The following CCDC85C variants were observed in gnomAD, a reference collection of about 807,000 sequenced individuals.
CCDC85C encodes coiled-coil domain-containing protein 85C.
In CCDC85C, 18 loss-of-function variants were observed where a neutral mutation model predicts 38.3. The observed-to-expected ratio is 0.47, with a 90% confidence interval of 0.33 to 0.70. CCDC85C has a LOEUF of 0.70. CCDC85C is among the 30% of genes least tolerant of loss of function. The pLI is 0.03. For synonymous variants in CCDC85C, 264 were observed against 293.8 expected, an observed-to-expected ratio of 0.90 and a Z score of 1.04; for missense variants, 566 against 621.2, an observed-to-expected ratio of 0.91 and a Z score of 0.94.
At chr14:99,532,944 G>A (rs1173931304) in intron 2 of CCDC85C, among the ~76,000 whole-genome samples, 1 of 152,014 alleles carries the variant, frequency 6.6e-6, no homozygotes, top group Non-Finnish European at 1.5e-5. Context: ...ACCCTGCAAG[G>A]CTAATTTTTG....
intron 1 of CCDC85C, among the ~76,000 whole-genome samples, chr14:99,591,455 G>A (rs896049746): frequency 5.3e-5 from 8 of 152,232 alleles, no homozygotes; most frequent in Non-Finnish European, 1.0e-4. Flanking sequence ...CGGCTCCCAC[G>A]GATGCTGAGT....
At chr14:99,539,569 T>C (rs959170859) in intron 1 of CCDC85C, among the ~76,000 whole-genome samples, 6 of 152,120 alleles carry the variant, frequency 3.9e-5, no homozygotes, top group Non-Finnish European at 7.4e-5. Context: ...CTGAGGGTTC[T>C]ACCCTGTCAT....
rs553777808 is a variant in CCDC85C at position 99,530,741 on chromosome 14, G to T, written c.867+5274C>A. Among the ~76,000 whole-genome samples, 226 of 152,338 alleles carry T rather than the reference G, an allele frequency of 1.5e-3. 2 individuals carry two copies. The highest frequency in any genetic ancestry group is 5.3e-3 in the African/African-American group (221 of 41,588). On this transcript the variant is annotated intron_variant, in intron 2 of 5. Transcript: ENST00000380243. Reference sequence around the variant, plus strand: ...CTTCCCAGGGGCCACATCACACTGCGCTGGGCATCACCTCCCAGGTGAGGA... The same window carrying T: ...CTTCCCAGGGGCCACATCACACTGCTCTGGGCATCACCTCCCAGGTGAGGA...
chr14:99,509,845 A>C lies in CCDC85C; in HGVS notation c.*5401T>G. ...GAGGAGCCCCCACACGTTTTGCACT[A>C]GGAAGAGGGGGCTGGGGCCAGGGCA... On this transcript the variant is annotated 3_prime_UTR_variant, in exon 6 of 6. Coordinates refer to ENST00000380243, the MANE Select transcript of CCDC85C (RefSeq NM_001144995.2). The C allele has an allele frequency of 9.3e-6, 4 of 430,640 alleles. No homozygotes were observed. Among genetic ancestry groups the C allele is most frequent in the African/African-American group, 2.0e-5 (1 of 48,914 alleles). 26.7% of individuals were successfully genotyped at this position (430,640 alleles called of 1,614,324 possible). A position where few individuals can be genotyped will look rare whatever the true frequency, so the allele number is the denominator to read the frequency against.
In CCDC85C at chr14:99,503,498, G is replaced by T. The variant is rs746019309; in HGVS notation, c.*11748C>A. On this transcript the variant is annotated 3_prime_UTR_variant, in exon 6 of 6. Transcript: ENST00000380243. ...TTCAGGCTAGAAATAATTTTTGTCC[G>T]AGGCTGTTCACAGTGACTGCCGTCG... The T allele has an allele frequency of 3.7e-5, 31 of 846,966 alleles. No homozygotes were observed. The highest frequency in any genetic ancestry group is 5.3e-5 in the Non-Finnish European group (28 of 530,066). The allele number at this position is 846,966 out of a possible 1,614,324, so 52.5% of individuals were successfully genotyped here.
intron 1 of CCDC85C, among the ~76,000 whole-genome samples, chr14:99,563,353 G>A (rs971587669): frequency 2.0e-5 from 3 of 152,278 alleles, no homozygotes; most frequent in African/African-American, 7.2e-5. Context: ...AGCAGCCTCT[G>A]CAAGGCAATC....
At chr14:99,537,243 C>T (rs1228753288) in intron 1 of CCDC85C, among the ~76,000 whole-genome samples, 1 of 152,254 alleles carries the variant, frequency 6.6e-6, no homozygotes, top group Non-Finnish European at 1.5e-5. Flanking sequence ...GCCGCTCACC[C>T]TCGATTGCAG....
At chr14:99,594,435 A>G (rs1055403610) in intron 1 of CCDC85C, among the ~76,000 whole-genome samples, 1 of 152,212 alleles carries the variant, frequency 6.6e-6, no homozygotes, top group Non-Finnish European at 1.5e-5. Flanking sequence ...TAGACAGGTC[A>G]CCATCTCTAG....
Position 99,504,090 on chromosome 14 carries a change from A to G in CCDC85C, c.*11156T>C. 2.6e-6 allele frequency: 1 copy of G among 388,108 alleles called. No individual in the cohort carries two copies. The highest frequency in any genetic ancestry group is 5.1e-6 in the Non-Finnish European group (1 of 194,928). The allele number at this position is 388,108 out of a possible 1,614,324, so 24.0% of individuals were successfully genotyped here. ...TGCCCTTGCAGGCAAGGCCTCTTTG[A>G]AACACACTTGGGTTGAGGTGCTGTC... On this transcript the variant is annotated 3_prime_UTR_variant, in exon 6 of 6. Coordinates refer to ENST00000380243, the MANE Select transcript of CCDC85C (RefSeq NM_001144995.2).
At position 99,588,838 on chromosome 14, in the gene CCDC85C, G is replaced by C. The variant is rs1445651296; in HGVS notation, c.793+14329C>G. 6.6e-6 allele frequency among the ~76,000 whole-genome samples: 1 copy of C among 151,970 alleles called. No homozygotes were observed. The highest frequency in any genetic ancestry group is 1.9e-4 in the East Asian group (1 of 5,174). ...CAAGCTAGGAGCAGCCTTGGGCAAG[G>C]CTGACAAAAAGGATGGCCTGAGCTC... On this transcript the variant is annotated intron_variant, in intron 1 of 5. Coordinates refer to ENST00000380243, the MANE Select transcript of CCDC85C (RefSeq NM_001144995.2). This position sits in a 1 kb window ranked among gnomAD's most constrained non-coding sequence, Gnocchi z 5.0.
At chr14:99,549,280 T>C (rs111846284) in intron 1 of CCDC85C, among the ~76,000 whole-genome samples, 5 of 152,352 alleles carry the variant, frequency 3.3e-5, no homozygotes, top group African/African-American at 1.2e-4. Flanking sequence ...AAACTCCTCA[T>C]GTTGTACCAC....
At chr14:99,542,769 C>T (rs1358789774) in intron 1 of CCDC85C, among the ~76,000 whole-genome samples, 4 of 152,224 alleles carry the variant, frequency 2.6e-5, no homozygotes, top group Non-Finnish European at 5.9e-5. Flanking sequence ...GGCCACTGCC[C>T]GCATGCCAGG....
chr14:99,537,464 G>A (rs576060527), intron 1 of CCDC85C, among the ~76,000 whole-genome samples: 71 of 152,094 alleles, frequency 4.7e-4, no homozygotes, highest in Non-Finnish European at 7.4e-4. Context: ...GGATGCTTGG[G>A]AGCCCCCTAT....
At chr14:99,536,630 T>G (rs973924706) in intron 1 of CCDC85C, among the ~76,000 whole-genome samples, 1 of 152,126 alleles carries the variant, frequency 6.6e-6, no homozygotes, top group African/African-American at 2.4e-5. Flanking sequence ...CCCAGGAACT[T>G]CTCACAAGCT....
rs1167261468 is a variant in CCDC85C, at chr14:99,545,570, G to A, written c.794-9482C>T. Among the ~76,000 whole-genome samples the A allele has an allele frequency of 1.3e-5, 2 of 152,116 alleles. No individual in the cohort carries two copies. The highest frequency in any genetic ancestry group is 1.9e-4 in the East Asian group (1 of 5,178). On this transcript the variant is annotated intron_variant, in intron 1 of 5. Transcript: ENST00000380243. The surrounding 1 kb of genome is among the most constrained non-coding windows in gnomAD (Gnocchi z 4.7). ...GGAAATTGACCTGTGTGTGTGAGAC[G>A]GTGGTGCAGGTGTCGGCACTGTTAA... is the stretch of plus-strand genomic sequence containing the variant.
Position 99,535,846 on chromosome 14 carries a change from G to A in CCDC85C, c.867+169C>T, listed in dbSNP as rs1357299153. Among the ~76,000 whole-genome samples the A allele has an allele frequency of 6.6e-6, 1 of 152,192 alleles. No individual in the cohort carries two copies. The highest frequency in any genetic ancestry group is 2.4e-5 in the African/African-American group (1 of 41,436). ...GTTGGGCAGAGGGAAGCCCAGAGGT[G>A]TGGGAGCCAGGGTTAGGTCCCTGAC... On this transcript the variant is annotated intron_variant, in intron 2 of 5. Coordinates refer to ENST00000380243, the MANE Select transcript of CCDC85C (RefSeq NM_001144995.2). This position sits in a 1 kb window ranked among gnomAD's most constrained non-coding sequence, Gnocchi z 5.5.
chr14:99,568,213 G>A (rs1474643814), intron 1 of CCDC85C, among the ~76,000 whole-genome samples: 1 of 148,762 alleles, frequency 6.7e-6, no homozygotes, highest in African/African-American at 2.5e-5. Context: ...GAGCCCTGGG[G>A]AAGCCACAGA....
In CCDC85C at chr14:99,572,607, C is replaced by T; in HGVS notation, c.793+30560G>A. On this transcript the variant is annotated intron_variant, in intron 1 of 5. Coordinates refer to ENST00000380243, the MANE Select transcript of CCDC85C (RefSeq NM_001144995.2). The surrounding 1 kb of genome is among the most constrained non-coding windows in gnomAD (Gnocchi z 4.4). The stretch of plus-strand genomic sequence containing the variant: ...GGAAAGCTCTGACATCTGTCCTTTG[C>T]TGGAAACCTTCCAGGGACGACAGCT... The T allele has an allele frequency of 2.2e-6, 1 of 450,242 alleles. No homozygotes were observed. Among genetic ancestry groups the T allele is most frequent in the East Asian group, 7.0e-5 (1 of 14,336 alleles). The allele number at this position is 450,242 out of a possible 1,614,324, so 27.9% of individuals were successfully genotyped here.
At chr14:99,587,224 C>T (rs1260424245) in intron 1 of CCDC85C, among the ~76,000 whole-genome samples, 1 of 152,274 alleles carries the variant, frequency 6.6e-6, no homozygotes, top group East Asian at 1.9e-4. Flanking sequence ...TCCCAGGCAG[C>T]CCCTGCCTCG....
Sources: gnomAD v4.1 joint callset for allele counts (sites outside exome capture counted in the v4.1 genomes callset) on GRCh38, gnomAD v4.1.1 for gene constraint, Gnocchi (gnomAD v3.1) non-coding constraint, MANE v1.5 for transcripts, NCBI Gene and HGNC (gene_info 2026-07-23, HGNC 2026-07-21) for gene names.